ERMP1: variants seen among roughly 807,000 people sequenced by gnomAD.
ERMP1 encodes the protein endoplasmic reticulum metallopeptidase 1.
Under a neutral mutation model 92.0 loss-of-function variants are expected in ERMP1, and 86 were observed. The observed-to-expected ratio is 0.93, with a 90% CI of 0.79 to 1.12. ERMP1 has a LOEUF of 1.12. Among genes scored for constraint, ERMP1 ranks in the 50% most tolerant of loss-of-function variants. The pLI, the probability that ERMP1 is intolerant of heterozygous loss-of-function variation, is 0.00. For synonymous variants in ERMP1, 530 were observed against 412.8 expected, an observed-to-expected ratio of 1.28 and a Z score of -3.44; for missense variants, 1,342 against 1,116.3, an observed-to-expected ratio of 1.20 and a Z score of -2.88.
intron 11 of ERMP1, among the ~76,000 whole-genome samples, 181 bp from the exon 12 acceptor site, chr9:5,799,189 T>C (rs1005042819): frequency 3.0e-4 from 45 of 152,296 alleles, no homozygotes; most frequent in African/African-American, 9.6e-4. Context: ...AAAATAGATA[T>C]ATAGATTATT....
intron 4 of ERMP1, 53 bp downstream of exon 4, chr9:5,823,843 C>G (rs1829633672): frequency 4.7e-6 from 6 of 1,273,900 alleles, no homozygotes; most frequent in Non-Finnish European, 6.8e-6. Flanking sequence ...AAACTTTCTA[C>G]TTTTACAAAA....
At chr9:5,803,422 A>G (rs1373018009) in intron 10 of ERMP1, among the ~76,000 whole-genome samples, 1 of 152,192 alleles carries the variant, frequency 6.6e-6, no homozygotes, top group Non-Finnish European at 1.5e-5. Context: ...CTGGTTTCCA[A>G]GATTTCCATG....
rs1827970927 is a variant in ERMP1, at chr9:5,787,094, A to G, written c.*50T>C. The G allele has an allele frequency of 1.3e-6, 2 of 1,516,818 alleles. No individual in the cohort carries two copies. The highest frequency in any genetic ancestry group is 2.3e-5 in the East Asian group (1 of 44,164). 94.0% of individuals were successfully genotyped at this position (1,516,818 alleles called of 1,614,324 possible). ...CATCCACGTAACATAGGGAGAAACCATGTCACATGGAGTATCCACTGGGCA... is the reference window on the plus strand; with the variant it reads ...CATCCACGTAACATAGGGAGAAACCGTGTCACATGGAGTATCCACTGGGCA... On this transcript the variant is annotated 3_prime_UTR_variant, in exon 15 of 15. Coordinates refer to ENST00000339450, the MANE Select transcript of ERMP1 (RefSeq NM_024896.3).
intron 3 of ERMP1, 74 bp downstream of exon 3, chr9:5,825,018 A>C (rs1221581001): frequency 2.1e-6 from 3 of 1,430,624 alleles, no homozygotes; most frequent in Admixed American, 3.6e-5. Context: ...TTTACTATTT[A>C]GTAAATAATA....
intron 13 of ERMP1, among the ~76,000 whole-genome samples, chr9:5,792,162 C>T (rs1828224399): frequency 6.6e-6 from 1 of 152,016 alleles, no homozygotes; most frequent in Non-Finnish European, 1.5e-5. Flanking sequence ...AAAAGAATCC[C>T]GAAATATACA....
intron 6 of ERMP1, among the ~76,000 whole-genome samples, chr9:5,841,760 C>T (rs938051505): frequency 6.6e-6 from 1 of 152,214 alleles, no homozygotes; most frequent in East Asian, 1.9e-4. Context: ...CAATGTGTGT[C>T]CGGAACTGGT....
chr9:5,861,801 A>G (rs1323617317), intron 5 of ERMP1, among the ~76,000 whole-genome samples: 4 of 148,500 alleles, frequency 2.7e-5, no homozygotes, highest in African/African-American at 1.0e-4. Context: ...CAACAGCAAC[A>G]TCAGGGGAGG....
chr9:5,799,657 C>G (rs1234773051), intron 11 of ERMP1, among the ~76,000 whole-genome samples: 3 of 152,242 alleles, frequency 2.0e-5, no homozygotes, highest in South Asian at 4.1e-4. Flanking sequence ...TGGGTATACT[C>G]TGTTGCTGCT....
At chr9:5,838,510 G>A (rs559852597) in intron 6 of ERMP1, among the ~76,000 whole-genome samples, 267 of 149,132 alleles carry the variant, frequency 1.8e-3, no homozygotes, top group Non-Finnish European at 3.2e-3. Context: ...CAGCCTGGGC[G>A]ACAGGGCAAA....
In ERMP1 at chr9:5,801,210, G is replaced by A. The variant is rs148751977; in HGVS notation, c.2033C>T (p.Pro678Leu). 8.1e-6 allele frequency: 13 copies of A among 1,613,466 alleles called. No homozygotes were observed. The highest frequency in any genetic ancestry group is 5.0e-5 in the Admixed American group (3 of 59,918). ...SGTFFPYSSN[P>L]ANPKPKRVFL... ...CACTCTCTTTGGCTTCGGATTAGCA[G>A]GATTGGAGCTATATGGAAAAAATGT... The change falls in exon 11 of 15, where the codon CCT (proline) becomes CTT (leucine). Residue 678 changes from proline (P) to leucine (L), a missense_variant. Transcript: ENST00000339450.
chr9:5,805,880 T>C, intron 8 of ERMP1, 95 bp from the exon 9 acceptor site: 1 of 982,814 alleles, frequency 1.0e-6, no homozygotes, highest in East Asian at 2.9e-5. Flanking sequence ...TCAGGAAAGC[T>C]ACATTTTGTT....
In ERMP1 at chr9:5,831,754, G is replaced by T. The variant is rs77907906; in HGVS notation, c.339-726C>A. ...ATCAAGTCAAGAGGTTAAATAAGGC[G>T]GGCGGGGGAAACTTTTGATGGACCT... On this transcript the variant is annotated intron_variant, in intron 1 of 14. Coordinates refer to ENST00000339450, the MANE Select transcript of ERMP1 (RefSeq NM_024896.3). Among the ~76,000 whole-genome samples the T allele has an allele frequency of 8.8e-3, 1,339 of 152,248 alleles. 31 individuals carry two copies. The highest frequency in any genetic ancestry group is 0.031 in the African/African-American group (1,292 of 41,540).
intron 13 of ERMP1, among the ~76,000 whole-genome samples, chr9:5,792,528 C>A (rs1205474080): frequency 6.6e-6 from 1 of 152,170 alleles, no homozygotes; most frequent in Non-Finnish European, 1.5e-5. Flanking sequence ...CATAACCAGT[C>A]TCAACTTCTT....
In ERMP1 at chr9:5,812,893, A is replaced by C. The variant is rs748964454; in HGVS notation, c.1017T>G (p.Ile339Met). The C allele has an allele frequency of 3.1e-6, 5 of 1,613,872 alleles. No individual in the cohort carries two copies. The Admixed American group carries it at 8.3e-5, about 27-fold the overall frequency. ...CCGTAACCATTGACAATATACCTGG[A>C]ATGTTCCCAAAATCCCTGTAGATAC... ...DFRIYRDFGN[I>M]PGIDLAFIEN... Residue 339 changes from isoleucine to methionine, a missense_variant, in exon 5 of 15, where the codon ATT becomes ATG. Physicochemically the swap from Ile to Met is conservative, Grantham distance 10. Transcript: ENST00000339450.
intron 2 of ERMP1, among the ~76,000 whole-genome samples, chr9:5,827,768 G>C: frequency 6.6e-6 from 1 of 151,844 alleles, no homozygotes; most frequent in Non-Finnish European, 1.5e-5. Flanking sequence ...AGTGAGCAGA[G>C]ATAGCGCCAC....
At chr9:5,815,288 C>G (rs1478759206) in intron 4 of ERMP1, among the ~76,000 whole-genome samples, 1 of 152,036 alleles carries the variant, frequency 6.6e-6, no homozygotes, top group African/African-American at 2.4e-5. Flanking sequence ...ATGGCTGATT[C>G]CAGGTCTGGG....
At chr9:5,813,960 C>T (rs1829208288) in intron 4 of ERMP1, among the ~76,000 whole-genome samples, 1 of 151,042 alleles carries the variant, frequency 6.6e-6, no homozygotes, top group Non-Finnish European at 1.5e-5. Flanking sequence ...AAGGATTATA[C>T]ATTCCTACTC....
chr9:5,801,214 T>G lies in ERMP1; in HGVS notation c.2029A>C (p.Asn677His), dbSNP rs1343107211. Residue 677 changes from asparagine to histidine, a missense_variant, in exon 11 of 15, where the codon AAT (asparagine) becomes CAT (histidine). By Grantham distance (68) the Asn-to-His change is moderately conservative. Coordinates refer to ENST00000339450, the MANE Select transcript of ERMP1 (RefSeq NM_024896.3). ...CSGTFFPYSSNPANPKPKRVF... is the reference protein window; with the variant it reads ...CSGTFFPYSSHPANPKPKRVF... The stretch of plus-strand genomic sequence containing the variant: ...CTCTTTGGCTTCGGATTAGCAGGAT[T>G]GGAGCTATATGGAAAAAATGTTCCA... 1.2e-6 allele frequency: 2 copies of G among 1,613,748 alleles called. No individual in the cohort carries two copies. Among genetic ancestry groups the G allele is most frequent in the East Asian group, 4.5e-5 (2 of 44,854 alleles).
In ERMP1 at chr9:5,786,420, T is replaced by C. The variant is rs1160564306; in HGVS notation, c.*724A>G. 2 of 152,048 alleles carry C rather than the reference T, an allele frequency of 1.3e-5. No homozygotes were observed. Among genetic ancestry groups the C allele is most frequent in the African/African-American group, 4.8e-5 (2 of 41,394 alleles). 9.4% of individuals were successfully genotyped at this position (152,048 alleles called of 1,614,324 possible). ...CCAAATATTCCCCTTTTCAACTTGG[T>C]AAGATGGAGAGGGGTAACAGACATG... On this transcript the variant is annotated 3_prime_UTR_variant, in exon 15 of 15. Transcript: ENST00000339450.
Sources: allele counts gnomAD v4.1 joint callset (sites outside exome capture counted in the v4.1 genomes callset), GRCh38; gene constraint gnomAD v4.1.1; transcripts MANE v1.5; gene names NCBI Gene and HGNC (gene_info 2026-07-23, HGNC 2026-07-21).